PDE1C: variants seen among roughly 807,000 people sequenced by gnomAD.
PDE1C encodes dual specificity calcium/calmodulin-dependent 3',5'-cyclic nucleotide phosphodiesterase 1C.
Under a neutral mutation model 93.1 loss-of-function variants are expected in PDE1C, and 62 were observed. The observed-to-expected ratio is 0.67, with a 90% CI of 0.54 to 0.82. The LOEUF is 0.82. Ranked by LOEUF, PDE1C falls within the 40% of genes least tolerant of loss-of-function variation. The pLI is 0.00. For missense variants in PDE1C, 742 were observed against 884.6 expected, an observed-to-expected ratio of 0.84 and a Z score of 2.04; for synonymous variants, 325 against 310.1, an observed-to-expected ratio of 1.05 and a Z score of -0.50.
the PDE1C span, among the ~76,000 whole-genome samples, chr7:31,706,439 C>T: frequency 1.1e-4 from 16 of 152,158 alleles, no homozygotes; most frequent in African/African-American, 3.6e-4. Context: ...TTTTAATCCC[C>T]AAAAGAAGGA....
intron 2 of PDE1C, among the ~76,000 whole-genome samples, chr7:31,885,409 T>C (rs904574797): frequency 3.9e-5 from 6 of 152,232 alleles, no homozygotes; most frequent in Non-Finnish European, 8.8e-5. Flanking sequence ...TAAGACAGTG[T>C]GCAATTTCAT....
At chr7:32,300,837 T>G (rs368419703), upstream of PDE1C, among the ~76,000 whole-genome samples, 10 of 152,106 alleles carry the variant, frequency 6.6e-5, no homozygotes, top group East Asian at 9.6e-4. Context: ...TGGGCTTGGT[T>G]TTTTGTTTGT....
At chr7:32,213,588 G>A (rs1216569053) in intron 1 of PDE1C, among the ~76,000 whole-genome samples, 1 of 152,126 alleles carries the variant, frequency 6.6e-6, no homozygotes, top group South Asian at 2.1e-4. Flanking sequence ...AGGCCTGTTC[G>A]GACACACCCA....
intron 1 of PDE1C, among the ~76,000 whole-genome samples, chr7:32,288,148 C>T (rs1397442035): frequency 2.6e-5 from 4 of 151,964 alleles, no homozygotes; most frequent in Admixed American, 6.6e-5. Flanking sequence ...AGTGAGACTC[C>T]GTCTTAAAAA....
chr7:31,880,831 C>G lies in PDE1C; in HGVS notation c.158G>C (p.Arg53Thr), dbSNP rs1319976029. 1 of 1,610,822 alleles carries G rather than the reference C, an allele frequency of 6.2e-7. No individual in the cohort carries two copies. The highest frequency in any genetic ancestry group is 8.5e-7 in the Non-Finnish European group (1 of 1,177,156). The change falls in exon 3 of 18, where the codon AGA becomes ACA. Residue 53 changes from arginine to threonine, a missense_variant. By Grantham distance (71) the Arg-to-Thr change is moderately conservative (BLOSUM62 -1). Around this residue, in one of 4 missense-constraint regions of PDE1C, gnomAD observed 74 missense variants for 88.2 expected, o/e 0.84. Coordinates refer to ENST00000396191, the MANE Select transcript of PDE1C (RefSeq NM_001191057.4). ...RLRSLVKQLE[R>T]GEASVVDLKK... Reference sequence around the variant, plus strand: ...AAGATCTACCACTGAAGCTTCCCCTCTCTCTAATTGTTTGACCAAAGACCG... The same window carrying G: ...AAGATCTACCACTGAAGCTTCCCCTGTCTCTAATTGTTTGACCAAAGACCG...
At chr7:31,738,187 G>A in the PDE1C span, among the ~76,000 whole-genome samples, 1 of 152,208 alleles carries the variant, frequency 6.6e-6, no homozygotes, top group Non-Finnish European at 1.5e-5. Flanking sequence ...GGGCTAAAGA[G>A]AGGATACATG....
chr7:31,959,268 T>C (rs1456137828), intron 2 of PDE1C, among the ~76,000 whole-genome samples: 1 of 152,184 alleles, frequency 6.6e-6, no homozygotes, highest in South Asian at 2.1e-4. Flanking sequence ...TGGAATGCAG[T>C]GGCTCAATCT....
chr7:32,162,516 G>C (rs4723125), intron 3 of PDE1C, among the ~76,000 whole-genome samples: 11,760 of 152,192 alleles, frequency 0.077, 738 homozygotes, highest in Admixed American at 0.2. Context: ...CTGGATGCAG[G>C]TCTGACTCCC....
At chr7:32,226,156 G>C (rs905985658) in intron 1 of PDE1C, among the ~76,000 whole-genome samples, 8 of 152,158 alleles carry the variant, frequency 5.3e-5, no homozygotes, top group South Asian at 4.1e-4. Flanking sequence ...TAGTGATGGA[G>C]CTCTGGTTTT....
intron 2 of PDE1C, among the ~76,000 whole-genome samples, chr7:32,009,510 T>C (rs1239723989): frequency 6.6e-6 from 1 of 152,210 alleles, no homozygotes. Flanking sequence ...ATGGAGACCC[T>C]GTGGTCCTCA....
intron 2 of PDE1C, among the ~76,000 whole-genome samples, chr7:31,918,853 A>G (rs552108830): frequency 6.6e-5 from 10 of 152,300 alleles, no homozygotes; most frequent in African/African-American, 2.4e-4. Flanking sequence ...CCTCTACTAT[A>G]CTATGTGATA....
At chr7:31,926,168 C>T (rs903916102) in intron 2 of PDE1C, among the ~76,000 whole-genome samples, 4 of 152,270 alleles carry the variant, frequency 2.6e-5, no homozygotes, top group Middle Eastern at 3.4e-3. Flanking sequence ...TACACACACG[C>T]ATATTGCCTG....
At chr7:32,063,517 C>A (rs1465120771) in intron 1 of PDE1C, among the ~76,000 whole-genome samples, 1 of 152,204 alleles carries the variant, frequency 6.6e-6, no homozygotes, top group Non-Finnish European at 1.5e-5. Flanking sequence ...ATATTAAGCA[C>A]TTTGCTGCTA....
intron 1 of PDE1C, among the ~76,000 whole-genome samples, chr7:32,211,588 AAG>A (rs1491195744): frequency 2.7e-5 from 4 of 146,412 alleles, no homozygotes; most frequent in African/African-American, 5.4e-5. Flanking sequence ...AATAAAAAAA[AAG>A]GGGGGGGTAA....
chr7:32,417,422 T>C (rs1785297565), intron 1 of PDE1C, among the ~76,000 whole-genome samples: 2 of 152,114 alleles, frequency 1.3e-5, no homozygotes, highest in South Asian at 2.1e-4. Context: ...CCCAGCACCA[T>C]GCTGAGAGCT....
At chr7:31,652,940 A>G in the PDE1C span, 32 of 1,499,930 alleles carry the variant, frequency 2.1e-5, no homozygotes, top group Non-Finnish European at 2.6e-5. Flanking sequence ...ATTGTCAGCT[A>G]TATCTCTCAT....
At chr7:32,118,466 T>C (rs1020615586) in intron 3 of PDE1C, among the ~76,000 whole-genome samples, 1 of 152,238 alleles carries the variant, frequency 6.6e-6, no homozygotes, top group African/African-American at 2.4e-5. Context: ...TTTTCAAAAA[T>C]AAAAATAAAA....
intron 7 of PDE1C, among the ~76,000 whole-genome samples, chr7:31,864,373 A>G (rs756414220): frequency 2.0e-5 from 3 of 152,320 alleles, no homozygotes; most frequent in Non-Finnish European, 2.9e-5. Flanking sequence ...AAAAATTTTT[A>G]AAGCAAAACC....
At chr7:32,179,885 A>C (rs1376711469) in intron 2 of PDE1C, among the ~76,000 whole-genome samples, 4 of 152,214 alleles carry the variant, frequency 2.6e-5, no homozygotes, top group Non-Finnish European at 5.9e-5. Context: ...CAGGGAAAGA[A>C]AGAGACATAG....
Sources: gnomAD v4.1 joint callset for allele counts (sites outside exome capture counted in the v4.1 genomes callset) on GRCh38, gnomAD v4.1.1 for gene constraint, gnomAD v4.1.1 regional missense constraint, MANE v1.5 for transcripts, NCBI Gene and HGNC (gene_info 2026-07-23, HGNC 2026-07-21) for gene names.